Variants in CRCP observed in about 807,000 individuals in gnomAD.
The protein encoded by CRCP is CGRP receptor component, also known as DNA-directed RNA polymerase III subunit RPC9.
CRCP carries 18 observed loss-of-function variants against 18.5 expected under a neutral mutation model. The observed-to-expected ratio is 0.97, with a 90% CI of 0.67 to 1.44. The LOEUF is 1.44. Among genes scored for constraint, CRCP ranks in the 40% most tolerant of loss-of-function variants. The probability of loss-of-function intolerance (pLI) is 0.00; values close to 1 mark genes in which losing one functional copy is unlikely to be tolerated. For synonymous variants in CRCP, 53 were observed against 62.9 expected, an observed-to-expected ratio of 0.84 and a Z score of 0.75; for missense variants, 130 against 176.4, an observed-to-expected ratio of 0.74 and a Z score of 1.49.
chr7:66,146,557 G>A (rs1023561447), intron 5 of CRCP, among the ~76,000 whole-genome samples: 1 of 152,112 alleles, frequency 6.6e-6, no homozygotes, highest in African/African-American at 2.4e-5. Flanking sequence ...CTTTAGAAAA[G>A]TATGGAAGAA....
intron 2 of CRCP, chr7:66,128,560 G>A (rs947560873): frequency 6.6e-6 from 1 of 152,144 alleles, no homozygotes; most frequent in Non-Finnish European, 1.5e-5. Flanking sequence ...GGAAGGCCAA[G>A]GCCAGCGGAT....
At chr7:66,139,756 G>A (rs191230836) in intron 4 of CRCP, among the ~76,000 whole-genome samples, 4 of 152,334 alleles carry the variant, frequency 2.6e-5, no homozygotes, top group Admixed American at 6.5e-5. Flanking sequence ...GGTCTTTGCT[G>A]TGCTGGGTCT....
intron 1 of CRCP, among the ~76,000 whole-genome samples, chr7:66,124,292 G>C (rs1051816622): frequency 8.6e-5 from 13 of 151,110 alleles, no homozygotes; most frequent in Admixed American, 4.0e-4. Context: ...CCTGGGAGGC[G>C]GAGCTTGCAG....
At chr7:66,132,867 C>T (rs1199064839) in intron 3 of CRCP, among the ~76,000 whole-genome samples, 3 of 151,524 alleles carry the variant, frequency 2.0e-5, no homozygotes, top group African/African-American at 7.3e-5. Flanking sequence ...GCCGAGATTG[C>T]GCCACTGCAC....
intron 3 of CRCP, among the ~76,000 whole-genome samples, chr7:66,132,004 G>A (rs146465001): frequency 0.02 from 241 of 11,834 alleles, no homozygotes; most frequent in African/African-American, 0.1. Flanking sequence ...CATGTGATCC[G>A]CCCACCTCTG....
intron 4 of CRCP, among the ~76,000 whole-genome samples, chr7:66,142,878 A>G (rs1788181383): frequency 1.3e-5 from 2 of 152,076 alleles, no homozygotes; most frequent in South Asian, 4.1e-4. Context: ...CTGGACCCAT[A>G]ATATCCACTC....
chr7:66,119,716 G>C (rs1209350370), intron 1 of CRCP: 1 of 152,154 alleles, frequency 6.6e-6, no homozygotes, highest in Non-Finnish European at 1.5e-5. Context: ...AGGAAAAACT[G>C]TTTGATTATC....
chr7:66,134,313 C>T lies in CRCP; in HGVS notation c.178C>T (p.His60Tyr), dbSNP rs1419742908. 6.2e-7 allele frequency: 1 copy of T among 1,608,870 alleles called. No individual in the cohort carries two copies. The highest frequency in any genetic ancestry group is 1.4e-5 in the African/African-American group (1 of 73,914). Residue 60 changes from histidine (H) to tyrosine (Y), a missense_variant, in exon 4 of 6, where the codon CAC (histidine) becomes TAC (tyrosine). His to Tyr is a moderately conservative substitution (Grantham distance 83). Coordinates refer to ENST00000395326, the MANE Select transcript of CRCP (RefSeq NM_014478.5). ...ATACATATCAAAAACACCATGCAGGCACCAGAGTCCTGAAATTGTCAGAGA... is the reference window on the plus strand; with the variant it reads ...ATACATATCAAAAACACCATGCAGGTACCAGAGTCCTGAAATTGTCAGAGA... ...LKYISKTPCRHQSPEIVREFL... is the reference protein window; with the variant it reads ...LKYISKTPCRYQSPEIVREFL...
intron 1 of CRCP, among the ~76,000 whole-genome samples, chr7:66,122,293 T>C (rs901587746): frequency 1.4e-5 from 2 of 146,080 alleles, no homozygotes; most frequent in African/African-American, 5.0e-5. Flanking sequence ...GAGAATGGCA[T>C]GAACCCGGGT....
At chr7:66,149,964 G>A (rs558183002) in intron 5 of CRCP, among the ~76,000 whole-genome samples, 12 of 151,982 alleles carry the variant, frequency 7.9e-5, no homozygotes, top group South Asian at 2.1e-4. Flanking sequence ...ACGCTGCCAC[G>A]CCCAGCTAAT....
intron 1 of CRCP, among the ~76,000 whole-genome samples, chr7:66,122,823 G>T (rs920659500): frequency 3.9e-5 from 6 of 152,036 alleles, no homozygotes; most frequent in Non-Finnish European, 8.8e-5. Context: ...CAAACTTCTT[G>T]ATATGTTCTC....
chr7:66,127,111 A>G (rs1227322123), intron 1 of CRCP, among the ~76,000 whole-genome samples: 2 of 152,230 alleles, frequency 1.3e-5, no homozygotes, highest in South Asian at 2.1e-4. Context: ...GTCATACTCC[A>G]CTGCCTCCAG....
intron 2 of CRCP, among the ~76,000 whole-genome samples, chr7:66,129,234 C>A (rs535782446): frequency 6.6e-6 from 1 of 152,050 alleles, no homozygotes; most frequent in Admixed American, 6.6e-5. Context: ...TCGGGAGGCT[C>A]AGGCAGGAGA....
chr7:66,135,036 C>T (rs1233923062), intron 4 of CRCP, among the ~76,000 whole-genome samples: 1 of 152,138 alleles, frequency 6.6e-6, no homozygotes, highest in African/African-American at 2.4e-5. Context: ...ATTTATTAAC[C>T]ATTAATGTGA....
At chr7:66,136,355 A>G (rs1256224433) in intron 4 of CRCP, among the ~76,000 whole-genome samples, 20 of 151,708 alleles carry the variant, frequency 1.3e-4, no homozygotes, top group Admixed American at 1.3e-3. Flanking sequence ...CTCAGCCTCC[A>G]CAGTAGCTGG....
At chr7:66,149,646 C>CT (rs975689104) in intron 5 of CRCP, among the ~76,000 whole-genome samples, 1 of 151,994 alleles carries the variant, frequency 6.6e-6, no homozygotes, top group Non-Finnish European at 1.5e-5. Context: ...CAGTCAAGAC[C>CT]TTTTTTTTCA....
intron 2 of CRCP, chr7:66,130,034 C>A (rs2115926243): frequency 3.7e-6 from 1 of 268,938 alleles, no homozygotes; most frequent in East Asian, 1.4e-4. Context: ...TCACTTGCCT[C>A]AAAATTTTTC....
intron 1 of CRCP, among the ~76,000 whole-genome samples, chr7:66,124,930 C>A (rs1269040518): frequency 6.7e-6 from 1 of 149,352 alleles, no homozygotes; most frequent in Admixed American, 6.7e-5. Flanking sequence ...CCTCCCAATT[C>A]AGGATCCAGT....
At chr7:66,140,141 T>C (rs1206023999) in intron 4 of CRCP, among the ~76,000 whole-genome samples, 1 of 152,238 alleles carries the variant, frequency 6.6e-6, no homozygotes, top group Non-Finnish European at 1.5e-5. Flanking sequence ...CTCCTGGGTC[T>C]CCAGCCTTTC....
Sources: allele counts gnomAD v4.1 joint callset (sites outside exome capture counted in the v4.1 genomes callset), GRCh38; gene constraint gnomAD v4.1.1; transcripts MANE v1.5; gene names NCBI Gene and HGNC (gene_info 2026-07-23, HGNC 2026-07-21).